Variants in SPECC1L observed in about 807,000 individuals in gnomAD.
SPECC1L encodes the protein cytospin-A.
SPECC1L carries 40 observed loss-of-function variants against 116.8 expected under a neutral mutation model. That is an observed-to-expected ratio of 0.34 (90% CI 0.27 to 0.45). SPECC1L has a LOEUF of 0.45. SPECC1L is among the 20% of genes least tolerant of loss of function. The pLI is 1.00. For missense variants in SPECC1L, 1,110 were observed against 1,373.6 expected (o/e 0.81, Z 3.03); for synonymous variants, 504 against 500.6 (o/e 1.01, Z -0.09).
Position 24,321,463 on chromosome 22 carries a change from A to T in SPECC1L, c.483A>T (p.Glu161Asp). 1 of 1,614,274 alleles carries T rather than the reference A, an allele frequency of 6.2e-7. No homozygotes were observed. The change falls in exon 5 of 17, where the codon GAA becomes GAT. Residue 161 changes from glutamate (E) to aspartate (D), a missense_variant. Coordinates refer to ENST00000314328, the MANE Select transcript of SPECC1L (RefSeq NM_015330.6). ...AKRSRSRTAT[E>D]CDVRMSKSKS... ...GTTCCCGCAGTCGAACTGCTACAGAATGTGACGTTCGTATGAGCAAGTCTA... is the reference window on the plus strand; with the variant it reads ...GTTCCCGCAGTCGAACTGCTACAGATTGTGACGTTCGTATGAGCAAGTCTA...
intron 11 of SPECC1L, among the ~76,000 whole-genome samples, chr22:24,351,851 A>G (rs1195191228): frequency 6.6e-6 from 1 of 152,194 alleles, no homozygotes; most frequent in East Asian, 1.9e-4. Flanking sequence ...CGTTTAAAAA[A>G]TTTAAGTGTC....
At chr22:24,333,634 A>G (rs373884106) in intron 8 of SPECC1L, among the ~76,000 whole-genome samples, 2 of 151,784 alleles carry the variant, frequency 1.3e-5, no homozygotes, top group South Asian at 2.1e-4. Flanking sequence ...ATTTTTTTAA[A>G]GAGTGTGGGC....
chr22:24,286,915 A>AT (rs912807829), intron 2 of SPECC1L, among the ~76,000 whole-genome samples: 2 of 152,242 alleles, frequency 1.3e-5, no homozygotes, highest in African/African-American at 4.8e-5. Context: ...CTCCAAAAAA[A>AT]TGAAAATTAA....
chr22:24,378,584 T>G (rs1262487850), intron 14 of SPECC1L, among the ~76,000 whole-genome samples: 2 of 152,232 alleles, frequency 1.3e-5, no homozygotes, highest in Non-Finnish European at 2.9e-5. Flanking sequence ...GTGAAAGATG[T>G]GCGAGTCTTC....
chr22:24,374,314 C>G (rs568964444), intron 14 of SPECC1L, among the ~76,000 whole-genome samples: 2 of 152,110 alleles, frequency 1.3e-5, no homozygotes, highest in South Asian at 4.1e-4. Flanking sequence ...TATAAAGACA[C>G]ATGCACACGT....
chr22:24,404,771 A>G (rs1348320274), intron 14 of SPECC1L, among the ~76,000 whole-genome samples: 3 of 152,146 alleles, frequency 2.0e-5, no homozygotes, highest in African/African-American at 4.8e-5. Context: ...CTGTCCAGCA[A>G]GATGCCCGCC....
chr22:24,360,174 G>A (rs2041615575), intron 11 of SPECC1L, among the ~76,000 whole-genome samples: 1 of 152,176 alleles, frequency 6.6e-6, no homozygotes, highest in Non-Finnish European at 1.5e-5. Context: ...ACACTCAATT[G>A]TAATACACTA....
chr22:24,390,888 T>TC lies in SPECC1L; in HGVS notation c.3088-20700_3088-20699insC, dbSNP rs1569445814. 1.8e-3 allele frequency among the ~76,000 whole-genome samples: 196 copies of TC among 106,048 alleles called. 13 individuals are homozygous for TC. The South Asian group carries it at 0.058, about 31-fold the overall frequency. 69.6% of individuals were successfully genotyped at this position (106,048 alleles called of 152,430 possible). A position where few individuals can be genotyped will look rare whatever the true frequency, so the allele number is the denominator to read the frequency against. On this transcript the variant is annotated intron_variant, in intron 14 of 16. Coordinates refer to ENST00000314328, the MANE Select transcript of SPECC1L (RefSeq NM_015330.6). ...TTTTCTTTTCTTTTTTTTTTTTTTT[T>TC]TTTTTTTTTTGAGTCAGAGTCTCAC...
chr22:24,274,847 AC>A (rs1256118161), intron 1 of SPECC1L, among the ~76,000 whole-genome samples: 1 of 151,630 alleles, frequency 6.6e-6, no homozygotes, highest in African/African-American at 2.4e-5. Context: ...TCCTTCCCCT[AC>A]CTCTGTTTAG....
chr22:24,349,459 C>T (rs1161887803), intron 11 of SPECC1L, among the ~76,000 whole-genome samples: 1 of 152,228 alleles, frequency 6.6e-6, no homozygotes, highest in Non-Finnish European at 1.5e-5. Flanking sequence ...ACTTTAAATA[C>T]TATTTTTGTG....
At chr22:24,338,973 C>T (rs1037109574) in intron 10 of SPECC1L, among the ~76,000 whole-genome samples, 3 of 152,234 alleles carry the variant, frequency 2.0e-5, no homozygotes, top group African/African-American at 7.2e-5. Context: ...GTTGCCATGT[C>T]TCAGCCTTTA....
intron 9 of SPECC1L, 59 bp from the exon 10 acceptor site, chr22:24,338,327 C>T (rs2041104457): frequency 6.5e-7 from 1 of 1,541,450 alleles, no homozygotes; most frequent in Middle Eastern, 1.7e-4. Context: ...TAAGTGGAGA[C>T]CAGTTAAGCT....
chr22:24,297,362 T>A (rs541287068), intron 2 of SPECC1L, among the ~76,000 whole-genome samples: 2 of 152,104 alleles, frequency 1.3e-5, no homozygotes, highest in Non-Finnish European at 2.9e-5. Context: ...TTTCAGGAAA[T>A]GGAATTAGTC....
intron 14 of SPECC1L, among the ~76,000 whole-genome samples, chr22:24,403,906 G>A (rs2042530621): frequency 6.6e-6 from 1 of 152,238 alleles, no homozygotes; most frequent in Non-Finnish European, 1.5e-5. Flanking sequence ...CTTCAGCCCA[G>A]GAGTTCAAGC....
intron 14 of SPECC1L, among the ~76,000 whole-genome samples, chr22:24,410,827 A>T (rs2042681356): frequency 6.6e-6 from 1 of 152,154 alleles, no homozygotes; most frequent in Non-Finnish European, 1.5e-5. Flanking sequence ...CCTGACTTGG[A>T]GGATCTTTGA....
intron 2 of SPECC1L, among the ~76,000 whole-genome samples, chr22:24,282,302 A>T (rs1239254381): frequency 3.3e-5 from 5 of 152,220 alleles, no homozygotes; most frequent in African/African-American, 1.2e-4. Flanking sequence ...AGTCCTACGA[A>T]GGCAGTCTGG....
intron 11 of SPECC1L, among the ~76,000 whole-genome samples, chr22:24,362,693 T>C (rs926601060): frequency 1.3e-5 from 2 of 152,228 alleles, no homozygotes; most frequent in African/African-American, 4.8e-5. Context: ...CTGACTGTTG[T>C]TGGCTAAAAT....
chr22:24,416,907 C>G lies in SPECC1L; in HGVS notation c.*2284C>G, dbSNP rs1251208387. 1 of 152,380 alleles carries G rather than the reference C, an allele frequency of 6.6e-6. No homozygotes were observed. Among genetic ancestry groups the G allele is most frequent in the Non-Finnish European group, 1.5e-5 (1 of 68,152 alleles). 9.4% of individuals were successfully genotyped at this position (152,380 alleles called of 1,614,324 possible). ...GCCTATCTAGAGGCTTGCCTCGGGC[C>G]CCTCCTTGGGGAAGGTTTGCGTGCA... On this transcript the variant is annotated 3_prime_UTR_variant, in exon 17 of 17. Transcript: ENST00000314328.
At chr22:24,303,966 G>A (rs1253867563) in intron 3 of SPECC1L, among the ~76,000 whole-genome samples, 2 of 151,504 alleles carry the variant, frequency 1.3e-5, no homozygotes, top group Non-Finnish European at 2.9e-5. Flanking sequence ...CTTAAGAGAG[G>A]GGAAGGAAAA....
Sources: allele counts gnomAD v4.1 joint callset (sites outside exome capture counted in the v4.1 genomes callset), GRCh38; gene constraint gnomAD v4.1.1; transcripts MANE v1.5; gene names NCBI Gene and HGNC (gene_info 2026-07-23, HGNC 2026-07-21).